The following TTLL11 variants were observed in gnomAD, a reference collection of about 807,000 sequenced individuals.
TTLL11 encodes tubulin tyrosine ligase like 11, also known as tubulin polyglutamylase TTLL11.
TTLL11 carries 42 observed loss-of-function variants against 51.7 expected under a neutral mutation model. The observed-to-expected ratio is 0.81, with a 90% confidence interval of 0.64 to 1.05. The LOEUF (loss-of-function observed/expected upper bound fraction) is 1.05, where lower values mean the gene tolerates loss of function less well. Among genes scored for constraint, TTLL11 ranks in the 50% least tolerant of loss-of-function variants. The pLI, the probability that TTLL11 is intolerant of heterozygous loss-of-function variation, is 0.00. For missense variants in TTLL11, 799 were observed against 940.4 expected (o/e 0.85, Z 1.97); for synonymous variants, 381 against 383.5 (o/e 0.99, Z 0.08).
At chr9:122,091,700 T>A (rs1443617173) in intron 1 of TTLL11, among the ~76,000 whole-genome samples, 1 of 152,218 alleles carries the variant, frequency 6.6e-6, no homozygotes, top group African/African-American at 2.4e-5. Flanking sequence ...AGATCCCTGT[T>A]ACCACTGGCT....
At chr9:121,828,173 CTTT>C (rs10708592) in intron 8 of TTLL11, among the ~76,000 whole-genome samples, 10 of 137,308 alleles carry the variant, frequency 7.3e-5, no homozygotes, top group Admixed American at 1.5e-4. Flanking sequence ...ACACATTGAA[CTTT>C]TTTTTTTTTT....
intron 8 of TTLL11, among the ~76,000 whole-genome samples, chr9:121,849,755 C>T (rs1462602430): frequency 6.6e-6 from 1 of 152,154 alleles, no homozygotes; most frequent in Non-Finnish European, 1.5e-5. Context: ...TAAGTGTTGA[C>T]AAGGATGTGG....
rs1554767495 is a variant in TTLL11 at position 121,906,339 on chromosome 9, AT to A, written c.1482-35592del. 2.2e-4 allele frequency among the ~76,000 whole-genome samples: 32 copies of A among 142,812 alleles called. 1 individual carries two copies. Among genetic ancestry groups the A allele is most frequent in the African/African-American group, 4.7e-4 (16 of 34,360 alleles). 93.7% of individuals were successfully genotyped at this position (142,812 alleles called of 152,430 possible). On this transcript the variant is annotated intron_variant, in intron 6 of 8. Transcript: ENST00000321582. ...GCTGCTCAGATCCATTTATGTAATA[AT>A]TTTTAAAAAAAAAAAAATCTGTCTT...
At chr9:122,040,426 T>A (rs1053918115) in intron 1 of TTLL11, 8 of 985,054 alleles carry the variant, frequency 8.1e-6, no homozygotes, top group Non-Finnish European at 9.6e-6. Flanking sequence ...CTCAAAGTTA[T>A]CAACAAGCTC....
intron 6 of TTLL11, among the ~76,000 whole-genome samples, chr9:121,970,808 A>G (rs1842525118): frequency 6.6e-6 from 1 of 152,268 alleles, no homozygotes; most frequent in African/African-American, 2.4e-5. Context: ...TCAAGGATCT[A>G]GAACCAGAAA....
intron 3 of TTLL11, among the ~76,000 whole-genome samples, chr9:121,994,779 G>C (rs1843207108): frequency 6.6e-6 from 1 of 152,228 alleles, no homozygotes; most frequent in Non-Finnish European, 1.5e-5. Flanking sequence ...TGTGTATTAT[G>C]GGATGATGCC....
intron 8 of TTLL11, among the ~76,000 whole-genome samples, chr9:121,832,167 T>C (rs1196570926): frequency 6.6e-6 from 1 of 152,186 alleles, no homozygotes; most frequent in Non-Finnish European, 1.5e-5. Flanking sequence ...TTTCAACATA[T>C]AAATTTGGTG....
At chr9:121,980,194 AT>A (rs148269228) in intron 4 of TTLL11, among the ~76,000 whole-genome samples, 1 of 151,464 alleles carries the variant, frequency 6.6e-6, no homozygotes, top group Non-Finnish European at 1.5e-5. Context: ...TTCTTTTTTC[AT>A]TTTTTTTCAC....
chr9:121,996,425 T>G (rs899002838), intron 3 of TTLL11, among the ~76,000 whole-genome samples: 2 of 152,098 alleles, frequency 1.3e-5, no homozygotes, highest in African/African-American at 4.8e-5. Context: ...GACCAGCCCT[T>G]TGAGGTCCAG....
chr9:121,936,940 G>C (rs1315859389), intron 6 of TTLL11, among the ~76,000 whole-genome samples: 1 of 152,130 alleles, frequency 6.6e-6, no homozygotes, highest in Non-Finnish European at 1.5e-5. Flanking sequence ...GACATGCTAG[G>C]CTGTTTCTCC....
rs2119100576 is a variant in TTLL11, at chr9:121,822,676, A to G, written c.2044T>C (p.Ser682Pro). The change falls in exon 9 of 9, where the codon TCC becomes CCC. Residue 682 changes from serine to proline, a missense_variant. Physicochemically the swap from Ser to Pro is moderately conservative, Grantham distance 74 (BLOSUM62 -1). Transcript: ENST00000321582. The surrounding 1 kb of genome is among the most constrained non-coding windows in gnomAD (Gnocchi z 5.8). ...TCCCCTGCTGGCTGGGCCGAGGGGGAGGGCTCCTGGGGAGGGCCACGGTGT... is the reference window on the plus strand; with the variant it reads ...TCCCCTGCTGGCTGGGCCGAGGGGGGGGGCTCCTGGGGAGGGCCACGGTGT... ...PPHRGPPQEP[S>P]PSAQPAGDNP... is the part of the protein sequence containing the mutation. The G allele has an allele frequency of 1.3e-6, 2 of 1,503,666 alleles. No homozygotes were observed. The highest frequency in any genetic ancestry group is 2.2e-4 in the Middle Eastern group (1 of 4,502). 93.1% of individuals were successfully genotyped at this position (1,503,666 alleles called of 1,614,324 possible). A position where few individuals can be genotyped will look rare whatever the true frequency, so the allele number is the denominator to read the frequency against.
chr9:121,914,637 C>A (rs943254052), intron 6 of TTLL11, among the ~76,000 whole-genome samples: 2 of 152,172 alleles, frequency 1.3e-5, no homozygotes, highest in Non-Finnish European at 2.9e-5. Context: ...GCCTCAAGAG[C>A]ACCCAGCACA....
chr9:121,825,066 G>A (rs1836707840), intron 8 of TTLL11, among the ~76,000 whole-genome samples: 1 of 152,182 alleles, frequency 6.6e-6, no homozygotes, highest in African/African-American at 2.4e-5. Flanking sequence ...TTTACACCAG[G>A]GTTACTTTTA....
In TTLL11 at chr9:122,087,149, T is replaced by C. The variant is rs144181762; in HGVS notation, c.462+5538A>G. 2.7e-3 allele frequency among the ~76,000 whole-genome samples: 404 copies of C among 152,284 alleles called. 5 individuals carry two copies. The highest frequency in any genetic ancestry group is 9.3e-3 in the African/African-American group (388 of 41,550). On this transcript the variant is annotated intron_variant, in intron 1 of 8. Coordinates refer to ENST00000321582, the MANE Select transcript of TTLL11 (RefSeq NM_001139442.2). Reference sequence around the variant, plus strand: ...CTCATCTGTAAGTTGAAGATGACAGTGCAGTCTATTTTAGAGGGTTTTTGC... The same window carrying C: ...CTCATCTGTAAGTTGAAGATGACAGCGCAGTCTATTTTAGAGGGTTTTTGC...
At chr9:122,006,278 C>G (rs2131736453) in intron 3 of TTLL11, among the ~76,000 whole-genome samples, 1 of 151,248 alleles carries the variant, frequency 6.6e-6, no homozygotes, top group East Asian at 1.9e-4. Context: ...GAGGCAGAGG[C>G]TGCAGTGAGC....
chr9:121,837,083 T>C (rs758842574), intron 8 of TTLL11, among the ~76,000 whole-genome samples: 1 of 152,198 alleles, frequency 6.6e-6, no homozygotes, highest in Non-Finnish European at 1.5e-5. Flanking sequence ...CTTCTCCGTG[T>C]CAGCATATAT....
chr9:121,897,864 C>CTTCTCCCT (rs1295846105), intron 6 of TTLL11, among the ~76,000 whole-genome samples: 1 of 151,870 alleles, frequency 6.6e-6, no homozygotes, highest in East Asian at 1.9e-4. Flanking sequence ...GTTTTTCCTT[C>CTTCTCCCT]TTCTCCCTTT....
intron 6 of TTLL11, among the ~76,000 whole-genome samples, chr9:121,957,322 T>C (rs1842052600): frequency 6.6e-6 from 1 of 152,154 alleles, no homozygotes; most frequent in African/African-American, 2.4e-5. Flanking sequence ...ACTTGGTCAA[T>C]CTGTCCCTAC....
At chr9:121,859,423 C>T (rs1307155026) in intron 8 of TTLL11, among the ~76,000 whole-genome samples, 1 of 152,066 alleles carries the variant, frequency 6.6e-6, no homozygotes, top group Non-Finnish European at 1.5e-5. Context: ...ACTGCTTGAA[C>T]CTGGGAGGCA....
Sources: gnomAD v4.1 joint callset for allele counts (sites outside exome capture counted in the v4.1 genomes callset) on GRCh38, gnomAD v4.1.1 for gene constraint, Gnocchi (gnomAD v3.1) non-coding constraint, MANE v1.5 for transcripts, NCBI Gene and HGNC (gene_info 2026-07-23, HGNC 2026-07-21) for gene names.